KIAA1217: variants seen among roughly 807,000 people sequenced by gnomAD.
KIAA1217 encodes the protein sickle tail protein homolog.
KIAA1217 carries 88 observed loss-of-function variants against 163.9 expected under a neutral mutation model. The ratio of observed to expected loss-of-function variants is 0.54; its 90% CI spans 0.45 to 0.64. The LOEUF (loss-of-function observed/expected upper bound fraction) is 0.64. Ranked by LOEUF, KIAA1217 falls within the 30% of genes least tolerant of loss-of-function variation. The pLI is 0.00. For synonymous variants in KIAA1217, 903 were observed against 923.1 expected (o/e 0.98, Z 0.39); for missense variants, 2,372 against 2,475.0 (o/e 0.96, Z 0.88).
rs1035791576 is a variant in KIAA1217, at chr10:24,318,056, C to T, written c.355-62813C>T. 1.1e-4 allele frequency among the ~76,000 whole-genome samples: 16 copies of T among 152,232 alleles called. No homozygotes were observed. In the East Asian group the frequency reaches 2.3e-3, roughly 22 times the overall value. On this transcript the variant is annotated intron_variant, in intron 2 of 20. Transcript: ENST00000376454. ...GTGCAGTGGCTCATGCCTGCAATCC[C>T]AGCACTTTGGGAAGCGGAGGCAGGA...
intron 2 of KIAA1217, among the ~76,000 whole-genome samples, chr10:24,238,061 T>C (rs2072526867): frequency 6.6e-6 from 1 of 152,198 alleles, no homozygotes; most frequent in South Asian, 2.1e-4. Flanking sequence ...TAATGTTTGC[T>C]CTCTGACCTT....
rs1162290472 is a variant in KIAA1217 at position 23,902,399 on chromosome 10, A to T, written c.-320-104826A>T. On this transcript the variant is annotated intron_variant, in intron 1 of 18. Coordinates refer to the KIAA1217 transcript ENST00000376462. The stretch of plus-strand genomic sequence containing the variant: ...AATGCAAACCTCTAATCTCAGGGAC[A>T]TGGAGCAAGAAGTCTGATTGGATGG... Among the ~76,000 whole-genome samples the T allele has an allele frequency of 2.6e-5, 4 of 152,054 alleles. No individual in the cohort carries two copies. In the East Asian group the frequency reaches 7.8e-4, roughly 30 times the overall value.
chr10:24,192,197 TAG>T (rs112626346), intron 2 of KIAA1217, among the ~76,000 whole-genome samples: 1,753 of 152,284 alleles, frequency 0.012, 30 homozygotes, highest in African/African-American at 0.04. Flanking sequence ...GAAGTATGAT[TAG>T]AAGATAAAAG....
intron 2 of KIAA1217, among the ~76,000 whole-genome samples, chr10:24,246,546 A>G (rs935353143): frequency 1.4e-4 from 21 of 152,348 alleles, no homozygotes; most frequent in African/African-American, 3.6e-4. Flanking sequence ...AGTGATGCCA[A>G]TGTGTGAAAT....
chr10:23,812,488 C>CT (rs74991359), intron 1 of KIAA1217, among the ~76,000 whole-genome samples: 9 of 151,398 alleles, frequency 5.9e-5, no homozygotes, highest in Non-Finnish European at 8.8e-5. Context: ...ATTATTGTTT[C>CT]TTTTTTTTTA....
intron 2 of KIAA1217, among the ~76,000 whole-genome samples, chr10:24,337,627 TTTCTTTTCTTTTCTTTTCTTTTC>T (rs200503509): frequency 0.049 from 3,918 of 80,016 alleles, 215 homozygotes; most frequent in African/African-American, 0.15. Flanking sequence ...TTTCTTTTCT[TTTCTTTTCTTTTCTTTTCTTTTC>T]TTTTTTTTTT....
At chr10:24,501,279 A>G in intron 8 of KIAA1217, 100 bp from the exon 9 acceptor site, 2 of 1,027,022 alleles carry the variant, frequency 1.9e-6, no homozygotes, top group East Asian at 5.0e-5. Flanking sequence ...TGAGAGAATT[A>G]GGCCTTTTTA....
chr10:24,390,674 A>G (rs2054797825), intron 3 of KIAA1217, among the ~76,000 whole-genome samples: 1 of 152,184 alleles, frequency 6.6e-6, no homozygotes, highest in South Asian at 2.1e-4. Context: ...CTCGCACTTG[A>G]TGTAATGAAT....
intron 1 of KIAA1217, among the ~76,000 whole-genome samples, chr10:23,912,714 G>A (rs1842486082): frequency 6.6e-6 from 1 of 152,116 alleles, no homozygotes; most frequent in Admixed American, 6.6e-5. Context: ...TTCTATGTGT[G>A]TGTTTCAAAG....
At chr10:23,935,551 A>C (rs1843491844) in intron 1 of KIAA1217, among the ~76,000 whole-genome samples, 1 of 152,204 alleles carries the variant, frequency 6.6e-6, no homozygotes. Context: ...TTAGCAACAA[A>C]CTGGGAGTCA....
At chr10:24,325,740 G>A (rs2044789433) in intron 2 of KIAA1217, among the ~76,000 whole-genome samples, 1 of 152,162 alleles carries the variant, frequency 6.6e-6, no homozygotes, top group African/African-American at 2.4e-5. Context: ...GTGGAAGTTT[G>A]GCTTTGCATG....
At chr10:24,484,340 G>A (rs956553597) in intron 6 of KIAA1217, among the ~76,000 whole-genome samples, 15 of 146,592 alleles carry the variant, frequency 1.0e-4, no homozygotes, top group African/African-American at 3.8e-4. Context: ...CGCCTCCCGG[G>A]TTCAAACAAT....
At chr10:23,791,556 C>G (rs1017802817) in intron 1 of KIAA1217, among the ~76,000 whole-genome samples, 2 of 152,130 alleles carry the variant, frequency 1.3e-5, no homozygotes, top group Admixed American at 6.5e-5. Flanking sequence ...CCAGTCAGTT[C>G]TCTAATTTCT....
At chr10:24,312,870 T>A (rs185309404) in intron 2 of KIAA1217, among the ~76,000 whole-genome samples, 2 of 152,126 alleles carry the variant, frequency 1.3e-5, no homozygotes, top group African/African-American at 4.8e-5. Context: ...GAGCCTTGAT[T>A]GTGCCACTGC....
At chr10:23,737,987 C>A (rs1196615632) in intron 1 of KIAA1217, among the ~76,000 whole-genome samples, 1 of 151,706 alleles carries the variant, frequency 6.6e-6, no homozygotes, top group African/African-American at 2.4e-5. Flanking sequence ...CAGGGATGAT[C>A]ATTAAACATA....
intron 1 of KIAA1217, among the ~76,000 whole-genome samples, chr10:23,785,442 G>A (rs554600040): frequency 3.4e-4 from 52 of 152,248 alleles, no homozygotes; most frequent in African/African-American, 1.2e-3. Flanking sequence ...GAACATGCTT[G>A]AGTCCCCCAT....
At chr10:23,720,783 A>T (rs1214428789) in intron 1 of KIAA1217, among the ~76,000 whole-genome samples, 1 of 152,172 alleles carries the variant, frequency 6.6e-6, no homozygotes, top group East Asian at 1.9e-4. Context: ...TTGGAAAAAA[A>T]TTCTAAATTT....
At chr10:23,723,708 A>G (rs1260961333) in intron 1 of KIAA1217, among the ~76,000 whole-genome samples, 1 of 152,158 alleles carries the variant, frequency 6.6e-6, no homozygotes, top group Non-Finnish European at 1.5e-5. Context: ...AATTTTTATC[A>G]TTTTTAAAGA....
intron 3 of KIAA1217, among the ~76,000 whole-genome samples, chr10:24,432,387 G>A (rs1038966020): frequency 3.3e-5 from 5 of 152,034 alleles, no homozygotes; most frequent in Admixed American, 1.3e-4. Flanking sequence ...CAAAGTGCTG[G>A]GATTACAGGC....
Sources: allele counts gnomAD v4.1 joint callset (sites outside exome capture counted in the v4.1 genomes callset), GRCh38; gene constraint gnomAD v4.1.1; transcripts MANE v1.5; gene names NCBI Gene and HGNC (gene_info 2026-07-23, HGNC 2026-07-21).